BOC: variants seen among roughly 807,000 people sequenced by gnomAD.
BOC encodes the protein brother of CDO.
Under a neutral mutation model 112.0 loss-of-function variants are expected in BOC, and 76 were observed. That is an observed-to-expected ratio of 0.68 (90% CI 0.56 to 0.82). The LOEUF (loss-of-function observed/expected upper bound fraction) is 0.82, where lower values mean the gene tolerates loss of function less well. Ranked by LOEUF, BOC falls within the 40% of genes least tolerant of loss-of-function variation. The pLI is 0.00. For synonymous variants in BOC, 580 were observed against 599.8 expected (o/e 0.97, Z 0.48); for missense variants, 1,309 against 1,511.7 (o/e 0.87, Z 2.22).
chr3:113,273,196 C>T lies in BOC; in HGVS notation c.1089C>T (p.Leu363=), dbSNP rs1452662001. Residue 363 remains leucine (L), a synonymous_variant, in exon 8 of 20, where the codon CTC becomes CTT. Transcript: ENST00000682979. ...SVLWLRNAVP[L]ISSQRLRLSR... is the part of the protein sequence containing the mutation. ...TGTGGCTGAGGAATGCTGTGCCCCT[C>T]ATCTCCAGCCAGCGCCTCCGGCTCT... The T allele has an allele frequency of 3.1e-6, 5 of 1,613,928 alleles. No homozygotes were observed. In the South Asian group the frequency reaches 5.5e-5, roughly 18 times the overall value.
intron 5 of BOC, 51 bp downstream of exon 5, chr3:113,268,496 G>A (rs1947760233): frequency 1.3e-6 from 2 of 1,581,926 alleles, no homozygotes; most frequent in Non-Finnish European, 8.6e-7. Context: ...AGGGAAGCTG[G>A]CCTCCTCCAA....
At chr3:113,221,357 A>G (rs1940611488) in intron 2 of BOC, among the ~76,000 whole-genome samples, 1 of 152,194 alleles carries the variant, frequency 6.6e-6, no homozygotes, top group South Asian at 2.1e-4. Context: ...AGAGAAAGAA[A>G]TGTGAGGATG....
chr3:113,272,445 C>T lies in BOC; in HGVS notation c.703C>T (p.Pro235Ser). 1 of 1,614,080 alleles carries T rather than the reference C, an allele frequency of 6.2e-7. No homozygotes were observed. The highest frequency in any genetic ancestry group is 8.5e-7 in the Non-Finnish European group (1 of 1,179,996). ...TGAGGCTGCCCGCATCATCTACCCC[C>T]CAGAGGCCCAAACCATCATCGTCAC... Reference protein sequence around the residue: ...TAEAARIIYPPEAQTIIVTKG... With the variant: ...TAEAARIIYPSEAQTIIVTKG... Residue 235 changes from proline (P) to serine (S), a missense_variant, in exon 7 of 20, where the codon CCA becomes TCA. By Grantham distance (74) the Pro-to-Ser change is moderately conservative. Coordinates refer to ENST00000682979, the MANE Select transcript of BOC (RefSeq NM_001378074.1).
intron 4 of BOC, among the ~76,000 whole-genome samples, chr3:113,262,502 G>T (rs1308887524): frequency 6.6e-6 from 1 of 152,142 alleles, no homozygotes; most frequent in African/African-American, 2.4e-5. Context: ...GTTTTGTCCC[G>T]CTTTGTGGGC....
intron 11 of BOC, 37 bp from the exon 12 acceptor site, chr3:113,279,212 C>G: frequency 6.3e-7 from 1 of 1,596,910 alleles, no homozygotes; most frequent in Non-Finnish European, 8.6e-7. Flanking sequence ...CGTCATCTCA[C>G]CCTGCTTCCT....
intron 4 of BOC, among the ~76,000 whole-genome samples, chr3:113,257,765 C>T (rs945138279): frequency 2.0e-5 from 3 of 152,108 alleles, no homozygotes; most frequent in Admixed American, 2.0e-4. Context: ...TACCTTACAA[C>T]TTAATGCATT....
Position 113,279,893 on chromosome 3 carries a change from G to A in BOC, c.2093G>A (p.Arg698Gln), listed in dbSNP as rs200052465. 11 of 1,613,822 alleles carry A rather than the reference G, an allele frequency of 6.8e-6. No individual in the cohort carries two copies. In the African/African-American group the frequency reaches 1.2e-4, roughly 18 times the overall value. ...LGESEPSAPSRPYVVSGYSGR... is the reference protein window; with the variant it reads ...LGESEPSAPSQPYVVSGYSGR... ...GAGAGCGAGCCCAGCGCCCCCTCTC[G>A]GCCCTACGTGGTGTCGGGCTACAGC... The change falls in exon 13 of 20, where the codon CGG (arginine) becomes CAG (glutamine). Residue 698 changes from arginine (R) to glutamine (Q), a missense_variant. Physicochemically the swap from Arg to Gln is conservative, Grantham distance 43. Transcript: ENST00000682979.
rs143043544 is a variant in BOC at position 113,250,657 on chromosome 3, C to T, written c.200C>T (p.Thr67Ile). 1 of 1,614,046 alleles carries T rather than the reference C, an allele frequency of 6.2e-7. No homozygotes were observed. The highest frequency in any genetic ancestry group is 1.3e-5 in the African/African-American group (1 of 74,920). The change falls in exon 4 of 20, where the codon ACC becomes ATC. Residue 67 changes from threonine to isoleucine, a missense_variant. Physicochemically the swap from Thr to Ile is moderately conservative, Grantham distance 89. Coordinates refer to ENST00000682979, the MANE Select transcript of BOC (RefSeq NM_001378074.1). ...GTGGAACCTCCAAGGATGAATGTAA[C>T]CTGGCGCCTGAATGGAAAGGAGCTG... ...CVVEPPRMNV[T>I]WRLNGKELNG... is the part of the protein sequence containing the mutation.
intron 2 of BOC, among the ~76,000 whole-genome samples, chr3:113,243,513 T>G (rs1378202152): frequency 6.6e-6 from 1 of 152,250 alleles, no homozygotes. Flanking sequence ...ATTTTAGTTC[T>G]GCAGTGCATG....
chr3:113,249,263 C>A (rs1576409271), intron 2 of BOC, among the ~76,000 whole-genome samples: 1 of 152,368 alleles, frequency 6.6e-6, no homozygotes, highest in East Asian at 1.9e-4. Flanking sequence ...CACGGCACTG[C>A]TGTCCCACAA....
At chr3:113,216,330 G>A (rs779168074) in intron 2 of BOC, 56 bp downstream of exon 2, 5 of 452,360 alleles carry the variant, frequency 1.1e-5, no homozygotes, top group South Asian at 3.1e-5. Flanking sequence ...TCAGCCATTT[G>A]TTCATGTTTT....
At chr3:113,258,766 G>C (rs1336040891) in intron 4 of BOC, among the ~76,000 whole-genome samples, 1 of 152,216 alleles carries the variant, frequency 6.6e-6, no homozygotes, top group African/African-American at 2.4e-5. Flanking sequence ...CAGGGGAATG[G>C]AGTTGGAAAA....
chr3:113,250,338 A>G (rs1235895750), intron 3 of BOC, among the ~76,000 whole-genome samples: 2 of 152,156 alleles, frequency 1.3e-5, no homozygotes, highest in Non-Finnish European at 2.9e-5. Flanking sequence ...TCCAAATGCA[A>G]AGCCCAAGCT....
chr3:113,272,453 C>T lies in BOC; in HGVS notation c.711C>T (p.Ala237=), dbSNP rs950146419. The T allele has an allele frequency of 1.2e-6, 2 of 1,614,102 alleles. No homozygotes were observed. The highest frequency in any genetic ancestry group is 1.7e-6 in the Non-Finnish European group (2 of 1,180,026). Residue 237 remains alanine (A), a synonymous_variant, in exon 7 of 20, where the codon GCC becomes GCT. Transcript: ENST00000682979. ...CCCGCATCATCTACCCCCCAGAGGC[C>T]CAAACCATCATCGTCACCAAAGGCC... ...EAARIIYPPE[A]QTIIVTKGQS... is the part of the protein sequence containing the mutation.
intron 4 of BOC, among the ~76,000 whole-genome samples, chr3:113,259,304 T>C (rs147992000): frequency 1.8e-4 from 28 of 152,316 alleles, no homozygotes; most frequent in African/African-American, 6.7e-4. Flanking sequence ...TTAAATACAA[T>C]ACTGGGTTCA....
intron 2 of BOC, among the ~76,000 whole-genome samples, chr3:113,244,784 A>G (rs1038936362): frequency 3.3e-5 from 5 of 152,256 alleles, no homozygotes; most frequent in Non-Finnish European, 5.9e-5. Flanking sequence ...TCACACAGAA[A>G]GTTACTGTTA....
At chr3:113,275,526 A>T (rs1415427883) in intron 9 of BOC, among the ~76,000 whole-genome samples, 2 of 151,992 alleles carry the variant, frequency 1.3e-5, no homozygotes, top group African/African-American at 4.8e-5. Context: ...GTTTTTGTTC[A>T]CTCCAAGTAT....
At chr3:113,269,498 T>C (rs1290102309) in intron 5 of BOC, 2 of 151,834 alleles carry the variant, frequency 1.3e-5, no homozygotes, top group African/African-American at 4.8e-5. Flanking sequence ...CACTGCACTC[T>C]AGCCTGAGTG....
chr3:113,245,154 A>T (rs1427120899), intron 2 of BOC, among the ~76,000 whole-genome samples: 1 of 152,232 alleles, frequency 6.6e-6, no homozygotes. Context: ...AAAATTTTTT[A>T]AATTAGGTCT....
Sources: gnomAD v4.1 joint callset for allele counts (sites outside exome capture counted in the v4.1 genomes callset) on GRCh38, gnomAD v4.1.1 for gene constraint, MANE v1.5 for transcripts, NCBI Gene and HGNC (gene_info 2026-07-23, HGNC 2026-07-21) for gene names.